Variants in KDM4C observed in about 807,000 individuals in gnomAD.
The protein encoded by KDM4C is lysine demethylase 4C, also known as lysine-specific demethylase 4C.
Under a neutral mutation model 129.3 loss-of-function variants are expected in KDM4C, and 81 were observed. The ratio of observed to expected loss-of-function variants is 0.63; its 90% CI spans 0.52 to 0.75. The LOEUF is 0.75. Among genes scored for constraint, KDM4C ranks in the 30% least tolerant of loss-of-function variants. The probability of loss-of-function intolerance (pLI) is 0.00; values close to 1 mark genes in which losing one functional copy is unlikely to be tolerated. For synonymous variants in KDM4C, 573 were observed against 456.1 expected (o/e 1.26, Z -3.26); for missense variants, 1,457 against 1,304.0 (o/e 1.12, Z -1.81).
intron 2 of KDM4C, among the ~76,000 whole-genome samples, chr9:6,795,444 G>C (rs985569164): frequency 6.6e-6 from 1 of 152,158 alleles, no homozygotes; most frequent in East Asian, 1.9e-4. Context: ...CTATTCTCCT[G>C]CCTCAGCCTC....
chr9:6,811,188 C>G (rs1042029907), intron 3 of KDM4C, among the ~76,000 whole-genome samples: 4 of 152,080 alleles, frequency 2.6e-5, no homozygotes, highest in African/African-American at 7.2e-5. Context: ...GAGTCTCGCT[C>G]TGTTGCCCAG....
At chr9:7,006,434 C>T (rs1311759775) in intron 12 of KDM4C, among the ~76,000 whole-genome samples, 2 of 152,116 alleles carry the variant, frequency 1.3e-5, no homozygotes, top group Non-Finnish European at 1.5e-5. Flanking sequence ...AGACAGAAAT[C>T]TAGCTATCCC....
At chr9:6,978,387 T>C (rs1833286101) in intron 8 of KDM4C, among the ~76,000 whole-genome samples, 1 of 141,454 alleles carries the variant, frequency 7.1e-6, no homozygotes, top group South Asian at 2.5e-4. Context: ...ACTGAGATTG[T>C]AATTGTTGGT....
intron 17 of KDM4C, among the ~76,000 whole-genome samples, chr9:7,097,262 C>T (rs1242411004): frequency 2.0e-5 from 3 of 152,220 alleles, no homozygotes; most frequent in African/African-American, 7.2e-5. Flanking sequence ...TGCCAATAAG[C>T]CTCCAGTGCA....
intron 8 of KDM4C, among the ~76,000 whole-genome samples, chr9:6,953,744 T>C (rs1828581907): frequency 6.6e-6 from 1 of 152,240 alleles, no homozygotes; most frequent in Non-Finnish European, 1.5e-5. Context: ...GAATTAGTTA[T>C]GAGTAATAGT....
At chr9:6,961,471 C>G (rs923690765) in intron 8 of KDM4C, among the ~76,000 whole-genome samples, 2 of 152,064 alleles carry the variant, frequency 1.3e-5, no homozygotes, top group Admixed American at 6.6e-5. Context: ...TATAAACTGT[C>G]AGAAAATGAG....
intron 1 of KDM4C, among the ~76,000 whole-genome samples, chr9:6,776,024 A>G (rs1822955576): frequency 6.6e-6 from 1 of 152,240 alleles, no homozygotes; most frequent in Non-Finnish European, 1.5e-5. Flanking sequence ...CTTTTGATAC[A>G]TGAACAATTA....
At chr9:7,076,375 A>T in intron 17 of KDM4C, 1 of 1,210,532 alleles carries the variant, frequency 8.3e-7, no homozygotes, top group Non-Finnish European at 1.2e-6. Context: ...TGCTATTTTC[A>T]CTATAATTTA....
intron 15 of KDM4C, among the ~76,000 whole-genome samples, chr9:7,041,310 G>C (rs996742478): frequency 2.0e-5 from 3 of 151,974 alleles, no homozygotes; most frequent in Admixed American, 1.3e-4. Context: ...AGGAGGATAT[G>C]CATGGTTTAT....
intron 15 of KDM4C, among the ~76,000 whole-genome samples, chr9:7,038,733 G>A (rs887570909): frequency 6.6e-6 from 1 of 151,918 alleles, no homozygotes; most frequent in Non-Finnish European, 1.5e-5. Context: ...AAATTTTAAT[G>A]GACAATGTTA....
intron 20 of KDM4C, among the ~76,000 whole-genome samples, chr9:7,168,769 T>G (rs1844656496): frequency 6.6e-6 from 1 of 152,152 alleles, no homozygotes; most frequent in Non-Finnish European, 1.5e-5. Flanking sequence ...AGGATTATTA[T>G]ATAAGAGTAA....
chr9:6,805,191 G>A (rs770808385), intron 2 of KDM4C, among the ~76,000 whole-genome samples: 1 of 152,174 alleles, frequency 6.6e-6, no homozygotes, highest in Non-Finnish European at 1.5e-5. Flanking sequence ...GTGCCACTGC[G>A]CCCTGCCAAT....
intron 19 of KDM4C, among the ~76,000 whole-genome samples, chr9:7,154,908 G>T (rs920125626): frequency 2.0e-5 from 3 of 152,168 alleles, no homozygotes; most frequent in African/African-American, 7.2e-5. Flanking sequence ...TTTATGTTAG[G>T]TGAAGATGGA....
chr9:6,835,750 G>T (rs770683593), intron 4 of KDM4C, among the ~76,000 whole-genome samples: 1 of 152,224 alleles, frequency 6.6e-6, no homozygotes, highest in African/African-American at 2.4e-5. Context: ...ACAGCAGTCG[G>T]TTGGAGTGAA....
chr9:6,802,738 C>CT (rs1351431094), intron 2 of KDM4C, among the ~76,000 whole-genome samples: 1 of 152,176 alleles, frequency 6.6e-6, no homozygotes, highest in Non-Finnish European at 1.5e-5. Flanking sequence ...TCCGGAGGAG[C>CT]TTGGACTACA....
chr9:7,075,598 A>G (rs995479347), intron 17 of KDM4C, among the ~76,000 whole-genome samples: 5 of 152,114 alleles, frequency 3.3e-5, no homozygotes, highest in African/African-American at 1.2e-4. Flanking sequence ...TTCCACAGTG[A>G]GTTGAAGCAG....
rs145867292 is a variant in KDM4C at position 6,831,032 on chromosome 9, A to T, written c.435+16287A>T. Among the ~76,000 whole-genome samples the T allele has an allele frequency of 3.7e-3, 567 of 152,348 alleles. 6 individuals carry two copies. The highest frequency in any genetic ancestry group is 0.013 in the African/African-American group (542 of 41,572). On this transcript the variant is annotated intron_variant, in intron 4 of 21. Transcript: ENST00000381309. ...GCTCAAGTACAGCCCATACTTTGCTACCATTCAAGAATTAAGTGGTACTCA... is the reference window on the plus strand; with the variant it reads ...GCTCAAGTACAGCCCATACTTTGCTTCCATTCAAGAATTAAGTGGTACTCA...
At chr9:6,763,492 C>T (rs1039498187) in intron 1 of KDM4C, among the ~76,000 whole-genome samples, 1 of 152,116 alleles carries the variant, frequency 6.6e-6, no homozygotes, top group Non-Finnish European at 1.5e-5. Context: ...ATCTCTCTTC[C>T]CTCCCTACCC....
rs937610243 is a variant in KDM4C at position 6,758,471 on chromosome 9, G to C, written c.-18+268G>C. On this transcript the variant is annotated intron_variant, in intron 1 of 21. Coordinates refer to ENST00000381309, the MANE Select transcript of KDM4C (RefSeq NM_015061.6). The surrounding 1 kb of genome is among the most constrained non-coding windows in gnomAD (Gnocchi z 4.6). ...CGGTACCCGCGCTCGCCGTTTTCCC[G>C]GGATCCGGAGTCGGGGTCGCCTCCT... is the stretch of plus-strand genomic sequence containing the variant. 2.1e-4 allele frequency among the ~76,000 whole-genome samples: 32 copies of C among 152,226 alleles called. No homozygotes were observed. The highest frequency in any genetic ancestry group is 4.1e-4 in the Non-Finnish European group (28 of 68,030).
Sources: allele counts gnomAD v4.1 joint callset (sites outside exome capture counted in the v4.1 genomes callset), GRCh38; gene constraint gnomAD v4.1.1; non-coding constraint Gnocchi (gnomAD v3.1); transcripts MANE v1.5; gene names NCBI Gene and HGNC (gene_info 2026-07-23, HGNC 2026-07-21).